GCH1: variants seen among roughly 807,000 people sequenced by gnomAD.
GCH1 encodes GTP cyclohydrolase 1, also known as GTP cyclohydrolase I.
Under a neutral mutation model 25.9 loss-of-function variants are expected in GCH1, and 5 were observed. The observed-to-expected ratio is 0.19, with a 90% confidence interval of 0.10 to 0.41. The LOEUF (loss-of-function observed/expected upper bound fraction) is 0.41. Among genes scored for constraint, GCH1 ranks in the 10% least tolerant of loss-of-function variants. GCH1 has a pLI of 1.00. For synonymous variants in GCH1, 159 were observed against 129.6 expected, an observed-to-expected ratio of 1.23 and a Z score of -1.54; for missense variants, 261 against 336.5, an observed-to-expected ratio of 0.78 and a Z score of 1.75.
chr14:54,843,187 T>A lies in GCH1; in HGVS notation c.*830A>T, dbSNP rs542811477. On this transcript the variant is annotated 3_prime_UTR_variant, in exon 6 of 6. Coordinates refer to ENST00000491895, the MANE Select transcript of GCH1 (RefSeq NM_000161.3). ...ACACAAAGGAAACTCAATAAACCTA[T>A]AAAGTTAAAACTGAGCTGACTAGTT... 369 of 1,474,934 alleles carry A rather than the reference T, an allele frequency of 2.5e-4. 1 individual carries two copies. The African/African-American group carries it at 4.6e-3, about 19-fold the overall frequency. The allele number at this position is 1,474,934 out of a possible 1,614,324, so 91.4% of individuals were successfully genotyped here.
chr14:54,860,761 G>C (rs777124881), intron 2 of GCH1, among the ~76,000 whole-genome samples: 12 of 151,984 alleles, frequency 7.9e-5, no homozygotes, highest in Admixed American at 7.9e-4. Flanking sequence ...GGATGGTTTC[G>C]ATCTCCTGAC....
At chr14:54,875,789 A>G (rs889039501) in intron 1 of GCH1, among the ~76,000 whole-genome samples, 38 of 152,354 alleles carry the variant, frequency 2.5e-4, no homozygotes, top group African/African-American at 7.9e-4. Context: ...AATCAAAACC[A>G]CAATGAGATA....
intron 3 of GCH1, among the ~76,000 whole-genome samples, chr14:54,852,557 C>G (rs1445877848): frequency 6.6e-6 from 1 of 152,172 alleles, no homozygotes; most frequent in East Asian, 1.9e-4. Context: ...ACAGAAGCAC[C>G]TGGAGGAAAC....
chr14:54,858,902 A>C (rs1424247337), intron 3 of GCH1, among the ~76,000 whole-genome samples: 1 of 152,268 alleles, frequency 6.6e-6, no homozygotes, highest in East Asian at 1.9e-4. Flanking sequence ...ACGTGTATGT[A>C]CATCACCTCT....
intron 1 of GCH1, among the ~76,000 whole-genome samples, chr14:54,872,068 A>T (rs60898202): frequency 0.13 from 18,979 of 151,764 alleles, 1,338 homozygotes; most frequent in East Asian, 0.4. Flanking sequence ...AGTTGAAATG[A>T]AGGAAAAAAT....
chr14:54,891,312 G>A (rs1056790891), intron 1 of GCH1, among the ~76,000 whole-genome samples: 1 of 151,706 alleles, frequency 6.6e-6, no homozygotes, highest in Admixed American at 6.6e-5. Context: ...CACCATGTTG[G>A]CCAGCCTGGT....
chr14:54,880,509 T>A (rs2040235411), intron 1 of GCH1, among the ~76,000 whole-genome samples: 1 of 115,882 alleles, frequency 8.6e-6, no homozygotes, highest in Non-Finnish European at 1.7e-5. Flanking sequence ...TCCATATATA[T>A]ATATACTCCA....
intron 3 of GCH1, among the ~76,000 whole-genome samples, chr14:54,856,213 C>T (rs969749524): frequency 6.6e-6 from 1 of 152,188 alleles, no homozygotes; most frequent in Non-Finnish European, 1.5e-5. Flanking sequence ...CCCTCCACCT[C>T]CAGGTCTATT....
In GCH1 at chr14:54,867,571, G is replaced by A. The variant is rs562826608; in HGVS notation, c.344-2135C>T. Among the ~76,000 whole-genome samples the A allele has an allele frequency of 5.7e-5, 6 of 106,006 alleles. No homozygotes were observed. In the Admixed American group the frequency reaches 8.1e-4, roughly 14 times the overall value. The allele number at this position is 106,006 out of a possible 152,430, so 69.5% of individuals were successfully genotyped here. A position where few individuals can be genotyped will look rare whatever the true frequency, so the allele number is the denominator to read the frequency against. On this transcript the variant is annotated intron_variant, in intron 1 of 5. Transcript: ENST00000491895. ...TCACTGTACTCTAGCCTGGGCAAGA[G>A]AGAACAAGACTCCGTCTCAAAAAAA...
chr14:54,859,751 C>T lies in GCH1; in HGVS notation c.454-15G>A, dbSNP rs559391590. ...CCAATATGGACCTTCAGAGAAGAGA[C>T]GGAAATCATTAGCTGAGTGAAAATA... On this transcript the variant is annotated splice_polypyrimidine_tract_variant and intron_variant, in intron 2 of 5. Transcript: ENST00000491895. 82 of 1,506,948 alleles carry T rather than the reference C, an allele frequency of 5.4e-5. 1 individual carries two copies. The South Asian group carries it at 6.8e-4, about 12-fold the overall frequency. 93.3% of individuals were successfully genotyped at this position (1,506,948 alleles called of 1,614,324 possible).
At chr14:54,874,327 T>C in intron 1 of GCH1, among the ~76,000 whole-genome samples, 1 of 152,210 alleles carries the variant, frequency 6.6e-6, no homozygotes, top group Non-Finnish European at 1.5e-5. Context: ...AAATTAGGTA[T>C]TGATGGGACA....
intron 1 of GCH1, among the ~76,000 whole-genome samples, chr14:54,883,371 C>CAAA (rs59191993): frequency 4.3e-4 from 24 of 55,226 alleles, no homozygotes; most frequent in African/African-American, 1.0e-3. Flanking sequence ...GACTCCGACT[C>CAAA]AAAAAAAAAA....
intron 2 of GCH1, 110 bp from the exon 3 acceptor site, chr14:54,859,846 G>T: frequency 1.4e-6 from 1 of 716,538 alleles, no homozygotes; most frequent in South Asian, 1.5e-5. Context: ...AATTTATCAC[G>T]ACAATGTATT....
At chr14:54,900,962 T>C (rs557927424) in intron 1 of GCH1, among the ~76,000 whole-genome samples, 2 of 152,218 alleles carry the variant, frequency 1.3e-5, no homozygotes, top group South Asian at 4.1e-4. Context: ...TCTTTGTATT[T>C]TGAAATCTCT....
chr14:54,902,187 G>GTTCGGAGGTGACAGCGCCCGGC, intron 1 of GCH1, 134 bp downstream of exon 1: 1 of 967,478 alleles, frequency 1.0e-6, no homozygotes, highest in South Asian at 1.4e-5. Context: ...GCTAGGGCGG[G>GTTCGGAGGTGACAGCGCCCGGC]TTCGGAGGTG....
intron 1 of GCH1, among the ~76,000 whole-genome samples, chr14:54,878,570 T>C (rs1218052713): frequency 6.6e-6 from 1 of 152,206 alleles, no homozygotes; most frequent in South Asian, 2.1e-4. Context: ...GCTTATCTCA[T>C]CATGCCTCGT....
At chr14:54,863,499 CAAAAA>C (rs1209956263) in intron 2 of GCH1, among the ~76,000 whole-genome samples, 3 of 17,888 alleles carry the variant, frequency 1.7e-4, no homozygotes, top group East Asian at 3.9e-3. Flanking sequence ...TTTGTAATAG[CAAAAA>C]AAAAAAAAAA....
rs1206106295 is a variant in GCH1, at chr14:54,902,820, A to C, written c.-157T>G. On this transcript the variant is annotated 5_prime_UTR_variant, in exon 1 of 6. Transcript: ENST00000491895. ...ATCACACTCCGAGCCGGGAGCGGCC[A>C]CAGGCTGGAAAGCCCGGCCGCGCCT... 3 of 1,019,924 alleles carry C rather than the reference A, an allele frequency of 2.9e-6. No individual in the cohort carries two copies. The highest frequency in any genetic ancestry group is 3.8e-6 in the Non-Finnish European group (3 of 786,316). The allele number at this position is 1,019,924 out of a possible 1,614,324, so 63.2% of individuals were successfully genotyped here. A position where few individuals can be genotyped will look rare whatever the true frequency, so the allele number is the denominator to read the frequency against.
chr14:54,851,696 T>C (rs2039733277), intron 3 of GCH1, among the ~76,000 whole-genome samples: 1 of 152,096 alleles, frequency 6.6e-6, no homozygotes, highest in Non-Finnish European at 1.5e-5. Flanking sequence ...CCAGTTAGAA[T>C]GGCAATCATT....
Sources: allele counts gnomAD v4.1 joint callset (sites outside exome capture counted in the v4.1 genomes callset), GRCh38; gene constraint gnomAD v4.1.1; transcripts MANE v1.5; gene names NCBI Gene and HGNC (gene_info 2026-07-23, HGNC 2026-07-21).